The following MAGI2 variants were observed in gnomAD, a reference collection of about 807,000 sequenced individuals.
The protein encoded by MAGI2 is membrane-associated guanylate kinase, WW and PDZ domain-containing protein 2.
Under a neutral mutation model 133.3 loss-of-function variants are expected in MAGI2, and 35 were observed. The ratio of observed to expected loss-of-function variants is 0.26; its 90% CI spans 0.20 to 0.35. MAGI2 has a LOEUF of 0.35. MAGI2 is among the 10% of genes least tolerant of loss of function. The pLI, the probability that MAGI2 is intolerant of heterozygous loss-of-function variation, is 1.00. For synonymous variants in MAGI2, 729 were observed against 710.6 expected, an observed-to-expected ratio of 1.03 and a Z score of -0.41; for missense variants, 1,636 against 1,863.4, an observed-to-expected ratio of 0.88 and a Z score of 2.25.
At chr7:79,247,493 G>A (rs1832909607) in intron 1 of MAGI2, among the ~76,000 whole-genome samples, 1 of 151,974 alleles carries the variant, frequency 6.6e-6, no homozygotes, top group Non-Finnish European at 1.5e-5. Context: ...CGTACCTGTG[G>A]TCCCAGCTGC....
intron 6 of MAGI2, 23 bp downstream of exon 6, chr7:78,489,738 A>T: frequency 6.4e-7 from 1 of 1,567,658 alleles, no homozygotes. Context: ...TTGCTGAAAC[A>T]CCATAAAAAC....
At chr7:79,433,529 G>C (rs994047082) in intron 1 of MAGI2, among the ~76,000 whole-genome samples, 1 of 151,880 alleles carries the variant, frequency 6.6e-6, no homozygotes, top group Non-Finnish European at 1.5e-5. Context: ...CTCCAGCCTG[G>C]GCGACAGAGC....
chr7:78,856,328 T>C (rs1793629392), intron 2 of MAGI2, among the ~76,000 whole-genome samples: 1 of 152,230 alleles, frequency 6.6e-6, no homozygotes, highest in Admixed American at 6.5e-5. Context: ...TCCTTGCACA[T>C]GCCTATGTCC....
chr7:79,138,947 G>C (rs116652320), intron 1 of MAGI2, among the ~76,000 whole-genome samples: 18 of 130,652 alleles, frequency 1.4e-4, no homozygotes, highest in African/African-American at 5.2e-4. Context: ...CTGCATTCCA[G>C]CCTGGATGAC....
At chr7:78,715,889 C>A (rs1412294131) in intron 2 of MAGI2, among the ~76,000 whole-genome samples, 2 of 63,346 alleles carry the variant, frequency 3.2e-5, no homozygotes, top group Admixed American at 1.5e-4. Flanking sequence ...GAAGCCATAA[C>A]ACTCGGAATT....
chr7:78,881,649 T>C (rs1212527751), intron 2 of MAGI2, among the ~76,000 whole-genome samples: 1 of 151,980 alleles, frequency 6.6e-6, no homozygotes, highest in Non-Finnish European at 1.5e-5. Context: ...CAATAAGATC[T>C]CTCAAAACCA....
intron 3 of MAGI2, among the ~76,000 whole-genome samples, chr7:78,570,045 GA>G (rs1303087791): frequency 6.6e-6 from 1 of 152,122 alleles, no homozygotes; most frequent in Middle Eastern, 3.2e-3. Context: ...TTTGTCAATG[GA>G]TATTTGGCTT....
chr7:78,975,137 A>G (rs991237204), intron 2 of MAGI2, among the ~76,000 whole-genome samples: 5 of 151,786 alleles, frequency 3.3e-5, no homozygotes, highest in Non-Finnish European at 5.9e-5. Context: ...GCAGGACATC[A>G]GTAAGGATAT....
chr7:78,972,651 T>A (rs925135867), intron 2 of MAGI2, among the ~76,000 whole-genome samples: 4 of 151,824 alleles, frequency 2.6e-5, no homozygotes, highest in African/African-American at 9.7e-5. Flanking sequence ...CATTATATAA[T>A]ATATATAATC....
chr7:78,413,902 A>G (rs1270780295), intron 6 of MAGI2, among the ~76,000 whole-genome samples: 1 of 152,076 alleles, frequency 6.6e-6, no homozygotes, highest in African/African-American at 2.4e-5. Context: ...GACTTATTTT[A>G]ATTTTTACTC....
intron 1 of MAGI2, among the ~76,000 whole-genome samples, chr7:79,367,654 G>A (rs183062818): frequency 2.0e-5 from 3 of 151,810 alleles, no homozygotes; most frequent in Admixed American, 6.6e-5. Context: ...TATGTTTTTA[G>A]CACAGTACCT....
intron 20 of MAGI2, among the ~76,000 whole-genome samples, chr7:78,103,551 G>A (rs1204961093): frequency 6.6e-6 from 1 of 152,188 alleles, no homozygotes; most frequent in African/African-American, 2.4e-5. Flanking sequence ...CTGCAAGGTA[G>A]GTATGCATTG....
chr7:79,381,379 T>G (rs1157995030), intron 1 of MAGI2, among the ~76,000 whole-genome samples: 1 of 151,778 alleles, frequency 6.6e-6, no homozygotes, highest in African/African-American at 2.4e-5. Context: ...GTTCATATGC[T>G]ATAGGTTTTG....
At chr7:79,062,347 T>C (rs765413047) in intron 1 of MAGI2, among the ~76,000 whole-genome samples, 3 of 152,116 alleles carry the variant, frequency 2.0e-5, no homozygotes, top group Non-Finnish European at 4.4e-5. Context: ...ATTTCTGCCA[T>C]TGGAATGTCA....
At chr7:78,296,426 C>T (rs569943654) in intron 9 of MAGI2, among the ~76,000 whole-genome samples, 1 of 152,246 alleles carries the variant, frequency 6.6e-6, no homozygotes, top group South Asian at 2.1e-4. Flanking sequence ...AATGCCCTGC[C>T]CTCACAGACA....
intron 9 of MAGI2, among the ~76,000 whole-genome samples, chr7:78,296,054 T>C (rs749674606): frequency 1.1e-4 from 17 of 152,192 alleles, no homozygotes; most frequent in Non-Finnish European, 1.6e-4. Flanking sequence ...TAACGCTCCC[T>C]TTCTTTGGCT....
intron 2 of MAGI2, among the ~76,000 whole-genome samples, chr7:78,886,165 T>C (rs961540112): frequency 6.6e-6 from 1 of 152,188 alleles, no homozygotes; most frequent in African/African-American, 2.4e-5. Flanking sequence ...CACCTTAGAA[T>C]GTGATCAAGT....
chr7:78,627,052 G>A (rs1365366572), intron 3 of MAGI2, 68 bp downstream of exon 3: 27 of 1,476,310 alleles, frequency 1.8e-5, no homozygotes, highest in African/African-American at 8.6e-5. Flanking sequence ...TGGTGTCCCC[G>A]TGCATTTCCA....
intron 21 of MAGI2, among the ~76,000 whole-genome samples, chr7:78,038,503 A>G (rs866910430): frequency 6.6e-6 from 1 of 152,252 alleles, no homozygotes; most frequent in Non-Finnish European, 1.5e-5. Context: ...AAAAATTTGT[A>G]TGAATTTCTA....
Sources: gnomAD v4.1 joint callset for allele counts (sites outside exome capture counted in the v4.1 genomes callset) on GRCh38, gnomAD v4.1.1 for gene constraint, MANE v1.5 for transcripts, NCBI Gene and HGNC (gene_info 2026-07-23, HGNC 2026-07-21) for gene names.